Variants in TMEM156 observed in about 807,000 individuals in gnomAD.
The protein encoded by TMEM156 is transmembrane protein 156.
A neutral mutation model predicts 30.5 loss-of-function variants in TMEM156; 28 were observed. That is an observed-to-expected ratio of 0.92 (90% CI 0.68 to 1.26). The LOEUF (loss-of-function observed/expected upper bound fraction) is 1.26, where lower values mean the gene tolerates loss of function less well. Among genes scored for constraint, TMEM156 ranks in the 50% most tolerant of loss-of-function variants. TMEM156 has a pLI of 0.00. For synonymous variants in TMEM156, 137 were observed against 119.9 expected, an observed-to-expected ratio of 1.14 and a Z score of -0.93; for missense variants, 351 against 340.6, an observed-to-expected ratio of 1.03 and a Z score of -0.24.
At chr4:38,972,294 C>A (rs1447553352) in intron 5 of TMEM156, among the ~76,000 whole-genome samples, 4 of 131,212 alleles carry the variant, frequency 3.0e-5, no homozygotes, top group African/African-American at 1.1e-4. Flanking sequence ...CACTCTGTCG[C>A]CCAGGCTAGA....
At position 38,981,410 on chromosome 4, in the gene TMEM156, A is replaced by G. The variant is rs572892487; in HGVS notation, c.823+4926T>C. On this transcript the variant is annotated intron_variant, in intron 5 of 6. Coordinates refer to ENST00000381938, the MANE Select transcript of TMEM156 (RefSeq NM_024943.3). ...CATTAATTGCAAGAAAATTTCAGCCAGTGCCACAATGAGGATGACTCACAT... is the reference window on the plus strand; with the variant it reads ...CATTAATTGCAAGAAAATTTCAGCCGGTGCCACAATGAGGATGACTCACAT... 3.9e-5 allele frequency among the ~76,000 whole-genome samples: 6 copies of G among 152,364 alleles called. No individual in the cohort carries two copies. The East Asian group carries it at 1.2e-3, about 29-fold the overall frequency.
At chr4:39,010,798 A>G (rs1714059821) in intron 1 of TMEM156, among the ~76,000 whole-genome samples, 1 of 152,198 alleles carries the variant, frequency 6.6e-6, no homozygotes, top group African/African-American at 2.4e-5. Context: ...AAGACCTCAA[A>G]CTATAAAAAT....
rs1023765333 is a variant in TMEM156 at position 38,977,208 on chromosome 4, A to C, written c.824-6071T>G. Among the ~76,000 whole-genome samples the C allele has an allele frequency of 3.3e-5, 5 of 152,292 alleles. No individual in the cohort carries two copies. In the East Asian group the frequency reaches 9.6e-4, roughly 29 times the overall value. On this transcript the variant is annotated intron_variant, in intron 5 of 6. Coordinates refer to ENST00000381938, the MANE Select transcript of TMEM156 (RefSeq NM_024943.3). ...GCTTGAGCCACTGGGCCCAGCTGAGATCATTCTTTATAAAGGTTAAGATAT... is the reference window on the plus strand; with the variant it reads ...GCTTGAGCCACTGGGCCCAGCTGAGCTCATTCTTTATAAAGGTTAAGATAT...
intron 5 of TMEM156, among the ~76,000 whole-genome samples, chr4:38,978,323 T>C (rs1722983488): frequency 6.6e-6 from 1 of 152,214 alleles, no homozygotes; most frequent in Non-Finnish European, 1.5e-5. Context: ...TATCTGTCCC[T>C]CTGTGCCCTC....
intron 5 of TMEM156, among the ~76,000 whole-genome samples, chr4:38,974,309 G>A (rs1722748075): frequency 6.7e-6 from 1 of 149,724 alleles, no homozygotes; most frequent in African/African-American, 2.5e-5. Context: ...GGCTCAAGCA[G>A]TCCTCCTGCC....
chr4:39,003,105 A>T (rs539707835), intron 1 of TMEM156, among the ~76,000 whole-genome samples: 2 of 152,298 alleles, frequency 1.3e-5, no homozygotes, highest in South Asian at 4.1e-4. Flanking sequence ...CTTGAAAAAA[A>T]TCAAGCTCAT....
At position 39,025,882 on chromosome 4, in the gene TMEM156, C is replaced by T. The variant is rs1248594296; in HGVS notation, c.88+6344G>A. On this transcript the variant is annotated intron_variant, in intron 1 of 6. Coordinates refer to ENST00000381938, the MANE Select transcript of TMEM156 (RefSeq NM_024943.3). ...ATCTTTCAAAAATATGAGGATAACA[C>T]TTGGCCTGCCTAAATCACAAGATGT... Among the ~76,000 whole-genome samples the T allele has an allele frequency of 2.0e-5, 3 of 152,308 alleles. No individual in the cohort carries two copies. The East Asian group carries it at 5.8e-4, about 29-fold the overall frequency.
intron 1 of TMEM156, among the ~76,000 whole-genome samples, chr4:39,008,199 C>T (rs1006434730): frequency 2.0e-5 from 3 of 152,028 alleles, no homozygotes; most frequent in African/African-American, 7.2e-5. Context: ...CTTGCTTGCT[C>T]CTGATTTTAA....
intron 1 of TMEM156, among the ~76,000 whole-genome samples, chr4:39,003,181 G>T (rs28589285): frequency 0.53 from 81,049 of 151,748 alleles, 21,682 homozygotes; most frequent in East Asian, 0.66. Flanking sequence ...CATAAGTGTT[G>T]AATCACTGGT....
intron 1 of TMEM156, among the ~76,000 whole-genome samples, chr4:39,030,758 T>G (rs1470127984): frequency 1.3e-5 from 2 of 151,846 alleles, no homozygotes; most frequent in East Asian, 3.8e-4. Flanking sequence ...TAGATAGATA[T>G]ATAGATAGAA....
intron 1 of TMEM156, among the ~76,000 whole-genome samples, chr4:38,999,343 A>C (rs1383734067): frequency 6.6e-6 from 1 of 152,018 alleles, no homozygotes; most frequent in East Asian, 1.9e-4. Flanking sequence ...TTTCTCTTTT[A>C]AACCTGTGAA....
rs1722402797 is a variant in TMEM156 at position 38,967,588 on chromosome 4, A to T, written c.*92T>A. On this transcript the variant is annotated 3_prime_UTR_variant, in exon 7 of 7. Coordinates refer to ENST00000381938, the MANE Select transcript of TMEM156 (RefSeq NM_024943.3). ...CATTTTCCAGTCTACTCATTCACAA[A>T]ATAAACTTCTGAGTATTCTTCAAAG... The T allele has an allele frequency of 6.6e-6, 1 of 152,214 alleles. No homozygotes were observed. Among genetic ancestry groups the T allele is most frequent in the Admixed American group, 6.5e-5 (1 of 15,280 alleles). 9.4% of individuals were successfully genotyped at this position (152,214 alleles called of 1,614,324 possible).
chr4:39,031,030 T>C (rs886478619), intron 1 of TMEM156, among the ~76,000 whole-genome samples: 1 of 152,226 alleles, frequency 6.6e-6, no homozygotes, highest in Non-Finnish European at 1.5e-5. Flanking sequence ...CTGAAATATG[T>C]CATCAAATAT....
intron 1 of TMEM156, among the ~76,000 whole-genome samples, chr4:39,012,171 T>A (rs1714171101): frequency 6.6e-6 from 1 of 152,144 alleles, no homozygotes; most frequent in African/African-American, 2.4e-5. Context: ...ATCTAAAATT[T>A]AAAAATGATA....
intron 1 of TMEM156, among the ~76,000 whole-genome samples, chr4:39,008,548 A>G (rs974612660): frequency 8.5e-5 from 13 of 152,128 alleles, no homozygotes; most frequent in African/African-American, 3.1e-4. Context: ...TATAACTGAG[A>G]TTGGCTTGTA....
intron 1 of TMEM156, among the ~76,000 whole-genome samples, chr4:39,002,732 T>C (rs1048088569): frequency 6.7e-6 from 1 of 149,912 alleles, no homozygotes; most frequent in Non-Finnish European, 1.5e-5. Flanking sequence ...ATGTCTTTTG[T>C]AGGGACATGG....
At chr4:39,005,367 C>G (rs539975580) in intron 1 of TMEM156, among the ~76,000 whole-genome samples, 1 of 152,254 alleles carries the variant, frequency 6.6e-6, no homozygotes, top group Admixed American at 6.5e-5. Context: ...CTCACAAGAT[C>G]TGATGGTTTT....
At chr4:39,010,446 A>G (rs1409149168) in intron 1 of TMEM156, among the ~76,000 whole-genome samples, 1 of 152,058 alleles carries the variant, frequency 6.6e-6, no homozygotes, top group African/African-American at 2.4e-5. Flanking sequence ...AATAGCCAAA[A>G]TAGCCAAAGC....
chr4:38,967,884 C>T (rs1467849103), intron 6 of TMEM156, among the ~76,000 whole-genome samples: 1 of 152,192 alleles, frequency 6.6e-6, no homozygotes, highest in Non-Finnish European at 1.5e-5. Context: ...GACTTCTTTT[C>T]CTTTGGGTAG....
Sources: gnomAD v4.1 joint callset for allele counts (sites outside exome capture counted in the v4.1 genomes callset) on GRCh38, gnomAD v4.1.1 for gene constraint, MANE v1.5 for transcripts, NCBI Gene and HGNC (gene_info 2026-07-23, HGNC 2026-07-21) for gene names.